The following KSR2 variants were observed in gnomAD, a reference collection of about 807,000 sequenced individuals.
KSR2 encodes kinase suppressor of ras 2.
A neutral mutation model predicts 107.8 loss-of-function variants in KSR2; 25 were observed. That is an observed-to-expected ratio of 0.23 (90% CI 0.17 to 0.32). The LOEUF (loss-of-function observed/expected upper bound fraction) is 0.32, where lower values mean the gene tolerates loss of function less well. Among genes scored for constraint, KSR2 ranks in the 10% least tolerant of loss-of-function variants. The probability of loss-of-function intolerance (pLI) is 1.00; values close to 1 mark genes in which losing one functional copy is unlikely to be tolerated. For missense variants in KSR2, 887 were observed against 1,268.9 expected (o/e 0.70, Z 4.57); for synonymous variants, 480 against 507.0 (o/e 0.95, Z 0.71).
chr12:117,901,428 G>A (rs1466952305), intron 1 of KSR2, among the ~76,000 whole-genome samples: 3 of 151,066 alleles, frequency 2.0e-5, no homozygotes, highest in Non-Finnish European at 2.9e-5. Flanking sequence ...TCAGCCTCCC[G>A]AGTAGCTGGG....
At chr12:117,591,427 A>C (rs1024066985) in intron 5 of KSR2, among the ~76,000 whole-genome samples, 4 of 152,064 alleles carry the variant, frequency 2.6e-5, no homozygotes, top group Non-Finnish European at 5.9e-5. Context: ...CATAGCTGAG[A>C]CCTGGGGGAG....
At chr12:117,700,572 A>G (rs1052659592) in intron 4 of KSR2, among the ~76,000 whole-genome samples, 28 of 152,256 alleles carry the variant, frequency 1.8e-4, no homozygotes, top group African/African-American at 6.0e-4. Context: ...TAAAAAAATA[A>G]TAAGTCACTG....
At chr12:117,768,645 C>A (rs999674688) in intron 3 of KSR2, among the ~76,000 whole-genome samples, 1 of 152,076 alleles carries the variant, frequency 6.6e-6, no homozygotes, top group African/African-American at 2.4e-5. Flanking sequence ...CTGGAAGCAT[C>A]TGGATGGGAG....
chr12:117,499,218 G>A (rs1418510211), intron 14 of KSR2, among the ~76,000 whole-genome samples: 2 of 152,228 alleles, frequency 1.3e-5, no homozygotes, highest in Non-Finnish European at 2.9e-5. Context: ...TTTAAAAACT[G>A]TACACATATA....
intron 14 of KSR2, among the ~76,000 whole-genome samples, chr12:117,523,684 G>A (rs1306718131): frequency 6.6e-6 from 1 of 152,172 alleles, no homozygotes; most frequent in Non-Finnish European, 1.5e-5. Flanking sequence ...GAAAACCAGA[G>A]TAACACTTAT....
At chr12:117,742,532 G>GGATGGGTGGA (rs144286470) in intron 4 of KSR2, among the ~76,000 whole-genome samples, 1 of 149,462 alleles carries the variant, frequency 6.7e-6, no homozygotes, top group Non-Finnish European at 1.5e-5. Context: ...GGATGGATGG[G>GGATGGGTGGA]TGGATGGATG....
chr12:117,906,353 CAAA>C (rs57733205), intron 1 of KSR2, among the ~76,000 whole-genome samples: 8 of 58,202 alleles, frequency 1.4e-4, no homozygotes, highest in Admixed American at 1.1e-3. Context: ...AACTCTGTCT[CAAA>C]AAAAAAAAAA....
intron 3 of KSR2, among the ~76,000 whole-genome samples, chr12:117,812,801 A>T (rs1441246308): frequency 6.9e-6 from 1 of 145,060 alleles, no homozygotes. Context: ...ATAAAAAAAA[A>T]TCCTAAAATC....
intron 10 of KSR2, among the ~76,000 whole-genome samples, chr12:117,534,239 C>T (rs985745496): frequency 6.6e-6 from 1 of 152,166 alleles, no homozygotes; most frequent in Non-Finnish European, 1.5e-5. Context: ...CATTCTCTGC[C>T]TAAACCTTTC....
chr12:117,516,674 C>CATTCTAGGGGAT (rs1256555329), intron 14 of KSR2, among the ~76,000 whole-genome samples: 1 of 152,104 alleles, frequency 6.6e-6, no homozygotes, highest in African/African-American at 2.4e-5. Context: ...ATGTTATCCC[C>CATTCTAGGGGAT]ATTCTATATG....
Position 117,529,373 on chromosome 12 carries a change from G to A in KSR2, c.1802+1568C>T, listed in dbSNP as rs147841570. On this transcript the variant is annotated intron_variant, in intron 12 of 19. Coordinates refer to ENST00000339824, the MANE Select transcript of KSR2 (RefSeq NM_173598.6). ...TGCGATTACAGTTGTGTGCCACCAC[G>A]CCTGACTAATGTTTGTATTTTTAAT... Among the ~76,000 whole-genome samples the A allele has an allele frequency of 5.3e-3, 801 of 152,172 alleles. 4 individuals carry two copies. Among genetic ancestry groups the A allele is most frequent in the African/African-American group, 0.018 (728 of 41,524 alleles).
At chr12:117,524,762 A>G in intron 14 of KSR2, 90 bp downstream of exon 14, 3 of 1,445,500 alleles carry the variant, frequency 2.1e-6, no homozygotes, top group Non-Finnish European at 1.9e-6. Context: ...TCTATTAACC[A>G]GAGTGGTCAA....
chr12:117,797,036 C>T (rs1890655879), intron 3 of KSR2, among the ~76,000 whole-genome samples: 1 of 152,174 alleles, frequency 6.6e-6, no homozygotes, highest in Non-Finnish European at 1.5e-5. Context: ...CCAGAGCTCA[C>T]CATGCGGATG....
chr12:117,485,517 C>T (rs1266280009), intron 15 of KSR2, 78 bp downstream of exon 15: 21 of 1,062,640 alleles, frequency 2.0e-5, no homozygotes, highest in Non-Finnish European at 3.1e-5. Context: ...ATCTTAGGAG[C>T]CCTGGGGTAG....
At chr12:117,564,586 C>G (rs575208402) in intron 7 of KSR2, among the ~76,000 whole-genome samples, 1 of 152,210 alleles carries the variant, frequency 6.6e-6, no homozygotes. Context: ...AAGTTGCTTA[C>G]GAGGAACATC....
intron 5 of KSR2, among the ~76,000 whole-genome samples, chr12:117,586,415 T>C (rs200008422): frequency 6.6e-6 from 1 of 151,780 alleles, no homozygotes; most frequent in Non-Finnish European, 1.5e-5. Context: ...GGTGAAACCC[T>C]GTCTCTACTA....
chr12:117,480,221 C>T (rs1293747566), intron 16 of KSR2, among the ~76,000 whole-genome samples: 1 of 152,162 alleles, frequency 6.6e-6, no homozygotes, highest in African/African-American at 2.4e-5. Flanking sequence ...AGCTTCTCTG[C>T]TCCCATCTTT....
At chr12:117,847,780 G>A (rs1407380425) in intron 3 of KSR2, among the ~76,000 whole-genome samples, 1 of 152,226 alleles carries the variant, frequency 6.6e-6, no homozygotes, top group East Asian at 1.9e-4. Flanking sequence ...CTGTGCCTGG[G>A]ATGCTCCCCT....
chr12:117,564,793 A>C (rs959063272), intron 7 of KSR2, among the ~76,000 whole-genome samples: 9 of 152,130 alleles, frequency 5.9e-5, no homozygotes, highest in East Asian at 1.9e-4. Flanking sequence ...AGAGGAGGAA[A>C]GAAAAAGAAG....
Sources: gnomAD v4.1 joint callset for allele counts (sites outside exome capture counted in the v4.1 genomes callset) on GRCh38, gnomAD v4.1.1 for gene constraint, MANE v1.5 for transcripts, NCBI Gene and HGNC (gene_info 2026-07-23, HGNC 2026-07-21) for gene names.